MUSK: variants seen among roughly 807,000 people sequenced by gnomAD.
MUSK encodes the protein muscle, skeletal receptor tyrosine-protein kinase.
Under a neutral mutation model 88.7 loss-of-function variants are expected in MUSK, and 55 were observed. That is an observed-to-expected ratio of 0.62 (90% CI 0.50 to 0.78). The LOEUF is 0.78. MUSK is among the 30% of genes least tolerant of loss of function. The pLI is 0.00. For missense variants in MUSK, 1,015 were observed against 1,074.3 expected, an observed-to-expected ratio of 0.94 and a Z score of 0.77; for synonymous variants, 387 against 391.9, an observed-to-expected ratio of 0.99 and a Z score of 0.15.
intron 5 of MUSK, among the ~76,000 whole-genome samples, chr9:110,700,627 T>C (rs908437210): frequency 3.9e-5 from 6 of 152,108 alleles, no homozygotes; most frequent in African/African-American, 4.8e-5. Flanking sequence ...TCGAAAAATA[T>C]TGAAATGTAA....
At chr9:110,786,204 G>A (rs952248760) in intron 13 of MUSK, among the ~76,000 whole-genome samples, 4 of 150,566 alleles carry the variant, frequency 2.7e-5, no homozygotes, top group South Asian at 2.1e-4. Context: ...CTAGCTACTC[G>A]GGAGTCTGAG....
At chr9:110,717,882 G>A (rs1001048388) in intron 5 of MUSK, among the ~76,000 whole-genome samples, 2 of 152,018 alleles carry the variant, frequency 1.3e-5, no homozygotes, top group African/African-American at 4.8e-5. Context: ...ACCATAATTT[G>A]TCATAGAATC....
intron 5 of MUSK, among the ~76,000 whole-genome samples, chr9:110,718,970 T>C (rs1026281470): frequency 2.6e-5 from 4 of 152,110 alleles, no homozygotes; most frequent in African/African-American, 9.7e-5. Flanking sequence ...AAGAATTTTG[T>C]ATCCAGTAAA....
intron 3 of MUSK, among the ~76,000 whole-genome samples, chr9:110,690,052 TA>T (rs2076302744): frequency 1.1e-5 from 1 of 92,468 alleles, no homozygotes; most frequent in South Asian, 3.6e-4. Flanking sequence ...TATAAATATA[TA>T]AATATATATT....
At chr9:110,789,659 A>C (rs1474877621) in intron 14 of MUSK, among the ~76,000 whole-genome samples, 1 of 152,102 alleles carries the variant, frequency 6.6e-6, no homozygotes, top group African/African-American at 2.4e-5. Flanking sequence ...CACGCTTGTA[A>C]TCCCAGCTGC....
chr9:110,732,554 A>T (rs943837384), intron 5 of MUSK, among the ~76,000 whole-genome samples: 10 of 151,910 alleles, frequency 6.6e-5, no homozygotes, highest in Non-Finnish European at 1.3e-4. Flanking sequence ...AATGCTAATG[A>T]TTTTCCCTGT....
chr9:110,774,182 T>A (rs1348098050), intron 9 of MUSK, among the ~76,000 whole-genome samples: 1 of 152,202 alleles, frequency 6.6e-6, no homozygotes, highest in Non-Finnish European at 1.5e-5. Context: ...TTGCATTCAG[T>A]TAGGTCCTTT....
intron 8 of MUSK, among the ~76,000 whole-genome samples, chr9:110,766,739 G>A (rs1049747446): frequency 6.6e-6 from 1 of 152,078 alleles, no homozygotes; most frequent in Admixed American, 6.5e-5. Context: ...TAAAGACAAT[G>A]AAAAACTAAA....
At chr9:110,741,604 G>A (rs1228083381) in intron 6 of MUSK, among the ~76,000 whole-genome samples, 2 of 152,150 alleles carry the variant, frequency 1.3e-5, no homozygotes, top group Non-Finnish European at 2.9e-5. Flanking sequence ...CACCCTCCAA[G>A]TCATATAATT....
chr9:110,804,096 T>G lies in MUSK; in HGVS notation c.*3108T>G, dbSNP rs2078129181. On this transcript the variant is annotated 3_prime_UTR_variant, in exon 15 of 15. Coordinates refer to ENST00000374448, the MANE Select transcript of MUSK (RefSeq NM_005592.4). ...ATATTACGAACCTGTTCCACGTCAT[T>G]AAATATTCTTCTAAAAACCCAATTT... Among the ~76,000 whole-genome samples, 1 of 152,224 alleles carries G rather than the reference T, an allele frequency of 6.6e-6. No homozygotes were observed. Among genetic ancestry groups the G allele is most frequent in the Non-Finnish European group, 1.5e-5 (1 of 68,018 alleles).
chr9:110,721,248 G>A (rs1051138736), intron 5 of MUSK, among the ~76,000 whole-genome samples: 3 of 152,046 alleles, frequency 2.0e-5, no homozygotes, highest in Non-Finnish European at 2.9e-5. Context: ...AGAGCAATCA[G>A]ACAAGAGAAA....
chr9:110,706,013 G>A, intron 5 of MUSK: 1 of 456,404 alleles, frequency 2.2e-6, no homozygotes, highest in Non-Finnish European at 4.5e-6. Context: ...AATCACAATT[G>A]AATAAATTTT....
At chr9:110,727,336 A>G (rs1329986730) in intron 5 of MUSK, 1 of 152,078 alleles carries the variant, frequency 6.6e-6, no homozygotes, top group Non-Finnish European at 1.5e-5. Flanking sequence ...CCTGCAGCAA[A>G]TCTCCAAGAC....
At position 110,711,777 on chromosome 9, in the gene MUSK, G is replaced by T. The variant is rs541686212; in HGVS notation, c.628+14311G>T. 4.6e-5 allele frequency among the ~76,000 whole-genome samples: 7 copies of T among 152,222 alleles called. No homozygotes were observed. The East Asian group carries it at 5.8e-4, about 13-fold the overall frequency. On this transcript the variant is annotated intron_variant, in intron 5 of 14. Transcript: ENST00000374448. ...CTAATAAGGCCATACTCACTTTGTC[G>T]TCAAGAATCTTTGAGATTCTTTTTA...
At chr9:110,765,853 T>A (rs1288029197) in intron 8 of MUSK, among the ~76,000 whole-genome samples, 1 of 152,040 alleles carries the variant, frequency 6.6e-6, no homozygotes, top group Non-Finnish European at 1.5e-5. Context: ...GGATTACAGG[T>A]GTGAGCCACC....
chr9:110,671,452 A>G (rs1365270726), intron 1 of MUSK, among the ~76,000 whole-genome samples: 1 of 152,248 alleles, frequency 6.6e-6, no homozygotes, highest in Non-Finnish European at 1.5e-5. Flanking sequence ...ATTAGCTAAT[A>G]AATTGACATA....
intron 2 of MUSK, 124 bp from the exon 3 acceptor site, chr9:110,686,993 C>A: frequency 1.2e-6 from 1 of 842,758 alleles, no homozygotes; most frequent in Non-Finnish European, 1.9e-6. Flanking sequence ...ATTCAGAAGT[C>A]ACTCAAGTTT....
chr9:110,759,279 T>C (rs2077367361), intron 7 of MUSK, among the ~76,000 whole-genome samples: 1 of 152,216 alleles, frequency 6.6e-6, no homozygotes, highest in South Asian at 2.1e-4. Context: ...GCTAGCCATA[T>C]GTAAAAGATT....
chr9:110,669,713 A>G (rs1347135116), intron 1 of MUSK, among the ~76,000 whole-genome samples: 1 of 152,202 alleles, frequency 6.6e-6, no homozygotes, highest in Admixed American at 6.6e-5. Flanking sequence ...CCAGTGTATT[A>G]TGAAACTGGG....
Sources: gnomAD v4.1 joint callset for allele counts (sites outside exome capture counted in the v4.1 genomes callset) on GRCh38, gnomAD v4.1.1 for gene constraint, MANE v1.5 for transcripts, NCBI Gene and HGNC (gene_info 2026-07-23, HGNC 2026-07-21) for gene names.